DCAF8L2: variants seen among roughly 807,000 people sequenced by gnomAD.
The protein encoded by DCAF8L2 is DDB1 and CUL4 associated factor 8 like 2, also known as DDB1- and CUL4-associated factor 8-like protein 2.
For missense variants in DCAF8L2, 430 were observed against 490.7 expected (o/e 0.88, Z 1.17); for synonymous variants, 200 against 190.9 (o/e 1.05, Z -0.39).
At chrX:27,533,226 GAAAGAAAGAGAAAGAAAGAAA>G in the DCAF8L2 span, among the ~76,000 whole-genome samples, 5 of 42,527 alleles carry the variant, frequency 1.2e-4, 1 homozygote, top group Non-Finnish European at 2.7e-4. Context: ...AAGAAAGAAA[GAAAGAAAGAGAAAGAAAGAAA>G]GAAAGAAAGA....
At chrX:27,520,298 C>A in the DCAF8L2 span, among the ~76,000 whole-genome samples, 65 of 111,949 alleles carry the variant, frequency 5.8e-4, 1 homozygote, top group South Asian at 5.5e-3. Flanking sequence ...TTTAGAATTA[C>A]ATTGAGAGAT....
intron 2 of DCAF8L2, among the ~76,000 whole-genome samples, chrX:27,657,382 T>C (rs1929393490): frequency 9.0e-6 from 1 of 111,350 alleles, no homozygotes; most frequent in Non-Finnish European, 1.9e-5. Context: ...ATTATTGTTA[T>C]CATTATTTTA....
the DCAF8L2 span, among the ~76,000 whole-genome samples, chrX:27,530,354 C>T: frequency 9.1e-6 from 1 of 110,189 alleles, no homozygotes. Flanking sequence ...ACTCCCCCCC[C>T]AAACCCCGCC....
intron 1 of DCAF8L2, among the ~76,000 whole-genome samples, chrX:27,609,562 C>T (rs1054960670): frequency 7.2e-5 from 8 of 111,396 alleles, no homozygotes; most frequent in African/African-American, 2.6e-4. Context: ...TTTCCAGAAG[C>T]GTCTCTTGGC....
At chrX:27,677,445 C>G (rs1467706160) in intron 2 of DCAF8L2, among the ~76,000 whole-genome samples, 1 of 111,788 alleles carries the variant, frequency 8.9e-6, no homozygotes, top group Non-Finnish European at 1.9e-5. Context: ...GGAGTTTCAC[C>G]TGATCTTAGA....
At chrX:27,704,196 A>C (rs1931250362) in intron 3 of DCAF8L2, among the ~76,000 whole-genome samples, 1 of 101,325 alleles carries the variant, frequency 9.9e-6, no homozygotes, top group African/African-American at 3.8e-5. Context: ...ACACATATGT[A>C]TATACACATG....
chrX:27,564,047 TAAAC>T, the DCAF8L2 span, among the ~76,000 whole-genome samples: 1 of 112,106 alleles, frequency 8.9e-6, no homozygotes, highest in Non-Finnish European at 1.9e-5. Flanking sequence ...ATGCTGCTAA[TAAAC>T]ATATACCTGA....
chrX:27,646,980 C>T (rs2147194267), intron 2 of DCAF8L2, among the ~76,000 whole-genome samples: 1 of 111,871 alleles, frequency 8.9e-6, no homozygotes, highest in East Asian at 2.8e-4. Context: ...ATTAGTTCAA[C>T]AATTGTGGAA....
the DCAF8L2 span, among the ~76,000 whole-genome samples, chrX:27,480,572 C>T: frequency 3.5e-3 from 388 of 111,671 alleles, 1 homozygote; most frequent in African/African-American, 0.011. Context: ...GCTTTAGCTT[C>T]GACTGGGCAG....
At chrX:27,618,266 A>G (rs1927567395) in intron 1 of DCAF8L2, among the ~76,000 whole-genome samples, 1 of 111,803 alleles carries the variant, frequency 8.9e-6, no homozygotes, top group Non-Finnish European at 1.9e-5. Context: ...AATGCACAAG[A>G]AAGCAGGCAG....
At chrX:27,649,680 C>G (rs1347034125) in intron 2 of DCAF8L2, among the ~76,000 whole-genome samples, 1 of 111,543 alleles carries the variant, frequency 9.0e-6, no homozygotes, top group African/African-American at 3.3e-5. Context: ...TATTAAGTTC[C>G]TAATGGATTC....
intron 1 of DCAF8L2, among the ~76,000 whole-genome samples, chrX:27,617,248 G>A (rs1348246344): frequency 1.8e-5 from 2 of 110,924 alleles, no homozygotes; most frequent in African/African-American, 6.5e-5. Context: ...TAAATATATA[G>A]ATATTTAGAG....
chrX:27,602,871 A>C (rs186755910), intron 1 of DCAF8L2, among the ~76,000 whole-genome samples: 1 of 112,328 alleles, frequency 8.9e-6, no homozygotes, highest in East Asian at 2.8e-4. Flanking sequence ...TAAAAATTAA[A>C]ATTATTTTCT....
intron 2 of DCAF8L2, among the ~76,000 whole-genome samples, chrX:27,642,627 A>G (rs767386644): frequency 5.6e-4 from 62 of 111,091 alleles, no homozygotes; most frequent in Non-Finnish European, 1.0e-3. Flanking sequence ...ATCTTCCCAT[A>G]TTTCCATGTC....
intron 4 of DCAF8L2, among the ~76,000 whole-genome samples, chrX:27,741,352 A>G (rs886212893): frequency 9.1e-6 from 1 of 110,465 alleles, no homozygotes; most frequent in Non-Finnish European, 1.9e-5. Context: ...TCCCCTCCCC[A>G]GAGCCACCAG....
the DCAF8L2 span, among the ~76,000 whole-genome samples, chrX:27,529,275 T>C: frequency 9.0e-6 from 1 of 111,512 alleles, no homozygotes; most frequent in Non-Finnish European, 1.9e-5. Context: ...ATGACTCTCC[T>C]ATAGCAAAAC....
Position 27,687,910 on chromosome X carries a change from T to C in DCAF8L2, c.-143+9998T>C, listed in dbSNP as rs1257342697. On this transcript the variant is annotated intron_variant, in intron 3 of 4. Coordinates refer to ENST00000451261, the MANE Select transcript of DCAF8L2 (RefSeq NM_001353450.2). ...GAAACTGTTATTAGAGTTTTAGATTTAATTTGAGTCTATATTTTAATTAAA... is the reference window on the plus strand; with the variant it reads ...GAAACTGTTATTAGAGTTTTAGATTCAATTTGAGTCTATATTTTAATTAAA... 6.3e-5 allele frequency among the ~76,000 whole-genome samples: 7 copies of C among 111,959 alleles called. No individual in the cohort carries two copies. In the East Asian group the frequency reaches 2.0e-3, roughly 31 times the overall value.
At chrX:27,720,474 C>T (rs1256782094) in intron 4 of DCAF8L2, among the ~76,000 whole-genome samples, 2 of 110,724 alleles carry the variant, frequency 1.8e-5, no homozygotes, top group Non-Finnish European at 3.8e-5. Flanking sequence ...CCTGGGTTCA[C>T]GCCTTTCTCC....
At chrX:27,561,172 A>C in the DCAF8L2 span, among the ~76,000 whole-genome samples, 6 of 111,990 alleles carry the variant, frequency 5.4e-5, no homozygotes, top group Non-Finnish European at 1.1e-4. Context: ...ATCTTTGTAG[A>C]GGTTCCCTCT....
Sources: allele counts gnomAD v4.1 joint callset (sites outside exome capture counted in the v4.1 genomes callset), GRCh38; gene constraint gnomAD v4.1.1; transcripts MANE v1.5; gene names NCBI Gene and HGNC (gene_info 2026-07-23, HGNC 2026-07-21).